The following SGCD variants were observed in gnomAD, a reference collection of about 807,000 sequenced individuals.
The protein encoded by SGCD is sarcoglycan delta.
In SGCD, 18 loss-of-function variants were observed where a neutral mutation model predicts 36.6. That is an observed-to-expected ratio of 0.49 (90% CI 0.34 to 0.73). The LOEUF (loss-of-function observed/expected upper bound fraction) is 0.73. Ranked by LOEUF, SGCD falls within the 30% of genes least tolerant of loss-of-function variation. The probability of loss-of-function intolerance (pLI) is 0.01; values close to 1 mark genes in which losing one functional copy is unlikely to be tolerated. For synonymous variants in SGCD, 133 were observed against 130.6 expected, an observed-to-expected ratio of 1.02 and a Z score of -0.12; for missense variants, 387 against 346.7, an observed-to-expected ratio of 1.12 and a Z score of -0.92.
rs148951635 is a variant in SGCD at position 155,956,632 on chromosome 5, G to T, written c.-282+86208G>T. ...GAAATCGAAAGTCAAGGCGTCAGCA[G>T]GGCCGTGCTCCCTTGGAAGGTTTTA... On this transcript the variant is annotated intron_variant, in intron 1 of 9. Transcript: ENST00000517913. Among the ~76,000 whole-genome samples, 281 of 152,212 alleles carry T rather than the reference G, an allele frequency of 1.8e-3. 1 individual carries two copies. Among genetic ancestry groups the T allele is most frequent in the African/African-American group, 6.4e-3 (267 of 41,556 alleles).
chr5:156,601,397 T>C (rs1285793120), intron 6 of SGCD, among the ~76,000 whole-genome samples: 1 of 152,202 alleles, frequency 6.6e-6, no homozygotes, highest in Non-Finnish European at 1.5e-5. Context: ...AGACTATTTT[T>C]CCCCAATATG....
intron 7 of SGCD, among the ~76,000 whole-genome samples, chr5:156,731,206 T>C (rs1298193992): frequency 6.6e-6 from 1 of 152,206 alleles, no homozygotes; most frequent in Non-Finnish European, 1.5e-5. Flanking sequence ...CTGTAGGTTG[T>C]CTATTTACTC....
At chr5:155,957,235 C>T (rs749865491) in intron 1 of SGCD, among the ~76,000 whole-genome samples, 5 of 151,964 alleles carry the variant, frequency 3.3e-5, no homozygotes, top group African/African-American at 7.2e-5. Flanking sequence ...GGTTGTAATG[C>T]GCTGCTCAGA....
At chr5:155,787,984 C>T in the SGCD span, among the ~76,000 whole-genome samples, 1 of 152,046 alleles carries the variant, frequency 6.6e-6, no homozygotes, top group Non-Finnish European at 1.5e-5. Flanking sequence ...TCTTTTAGAA[C>T]ATTTGGAAAA....
At chr5:156,443,240 C>A (rs1581000828) in intron 3 of SGCD, among the ~76,000 whole-genome samples, 1 of 152,158 alleles carries the variant, frequency 6.6e-6, no homozygotes, top group African/African-American at 2.4e-5. Context: ...CTGCCTTGGC[C>A]TCCCAAAGTG....
chr5:155,897,837 T>C (rs1756301253), intron 1 of SGCD, among the ~76,000 whole-genome samples: 1 of 152,232 alleles, frequency 6.6e-6, no homozygotes, highest in Non-Finnish European at 1.5e-5. Context: ...CAGTCCATTG[T>C]TGACCAACAT....
At chr5:156,129,222 C>T (rs1270317588) in intron 3 of SGCD, among the ~76,000 whole-genome samples, 1 of 152,146 alleles carries the variant, frequency 6.6e-6, no homozygotes, top group Non-Finnish European at 1.5e-5. Flanking sequence ...TAGGAACTGC[C>T]ATTAATTACA....
At chr5:156,239,172 G>T (rs1295344090) in intron 3 of SGCD, among the ~76,000 whole-genome samples, 1 of 152,086 alleles carries the variant, frequency 6.6e-6, no homozygotes, top group Non-Finnish European at 1.5e-5. Flanking sequence ...GGCCGAGGTG[G>T]ATGGATCACT....
chr5:155,925,670 C>T lies in SGCD; in HGVS notation c.-282+55246C>T, dbSNP rs77897203. Among the ~76,000 whole-genome samples the T allele has an allele frequency of 9.0e-3, 1,375 of 152,260 alleles. 27 individuals are homozygous for T. The highest frequency in any genetic ancestry group is 0.031 in the African/African-American group (1,271 of 41,540). ...TTGCTCTGCTGCCCAGGCTGTAGTG[C>T]AGTGGTATAATCACAGCTTACTGCA... On this transcript the variant is annotated intron_variant, in intron 1 of 9. Coordinates refer to the SGCD transcript ENST00000517913.
chr5:156,617,554 G>C (rs1422666186), intron 6 of SGCD, among the ~76,000 whole-genome samples: 1 of 152,172 alleles, frequency 6.6e-6, no homozygotes, highest in Non-Finnish European at 1.5e-5. Flanking sequence ...CTAGGTCTTG[G>C]AGTTTGACCT....
chr5:155,781,841 C>T, the SGCD span, among the ~76,000 whole-genome samples: 1 of 151,966 alleles, frequency 6.6e-6, no homozygotes, highest in Non-Finnish European at 1.5e-5. Context: ...AGGACATCAT[C>T]CTAGGAAAAG....
chr5:156,049,548 G>C lies in SGCD; in HGVS notation c.-281-68330G>C, dbSNP rs1431720330. ...CTTGAAGAGCACTAAACGTGGAAAGGAACAACCAGTACCAGCCACTGCAAA... is the reference window on the plus strand; with the variant it reads ...CTTGAAGAGCACTAAACGTGGAAAGCAACAACCAGTACCAGCCACTGCAAA... On this transcript the variant is annotated intron_variant, in intron 1 of 9. Transcript: ENST00000517913. 2.1e-5 allele frequency among the ~76,000 whole-genome samples: 3 copies of C among 145,852 alleles called. No individual in the cohort carries two copies. In the East Asian group the frequency reaches 5.8e-4, roughly 28 times the overall value.
intron 3 of SGCD, among the ~76,000 whole-genome samples, chr5:156,364,091 A>G (rs1448380437): frequency 6.6e-6 from 1 of 152,164 alleles, no homozygotes; most frequent in Non-Finnish European, 1.5e-5. Context: ...GAGTCATTGC[A>G]AATGAAAGAG....
At chr5:156,537,066 G>A (rs890532041) in intron 4 of SGCD, among the ~76,000 whole-genome samples, 9 of 152,106 alleles carry the variant, frequency 5.9e-5, no homozygotes, top group Non-Finnish European at 8.8e-5. Context: ...GGAGATTTCC[G>A]GTCCTGAAAC....
the SGCD span, among the ~76,000 whole-genome samples, chr5:155,845,005 C>T: frequency 6.6e-6 from 1 of 152,120 alleles, no homozygotes; most frequent in Non-Finnish European, 1.5e-5. Flanking sequence ...TCAGGTATTT[C>T]TCCTAATGCT....
At chr5:156,335,467 T>C (rs925057841) in intron 2 of SGCD, among the ~76,000 whole-genome samples, 1 of 152,206 alleles carries the variant, frequency 6.6e-6, no homozygotes, top group Non-Finnish European at 1.5e-5. Context: ...TCCTGGAGTC[T>C]TAAAGATTCA....
chr5:156,629,518 C>T (rs780957546), intron 6 of SGCD, among the ~76,000 whole-genome samples: 4 of 152,192 alleles, frequency 2.6e-5, no homozygotes, highest in African/African-American at 4.8e-5. Flanking sequence ...TTGATTGGCC[C>T]ATGCAGGCAA....
At chr5:156,584,554 A>G (rs1760414331) in intron 4 of SGCD, among the ~76,000 whole-genome samples, 1 of 152,162 alleles carries the variant, frequency 6.6e-6, no homozygotes, top group African/African-American at 2.4e-5. Flanking sequence ...TGAGTGCTAC[A>G]TGCCCAGCAC....
chr5:156,215,163 G>T (rs1248735280), intron 3 of SGCD, among the ~76,000 whole-genome samples: 1 of 151,896 alleles, frequency 6.6e-6, no homozygotes, highest in African/African-American at 2.4e-5. Flanking sequence ...ATTTCCAAAT[G>T]AAAAAAATGA....
Sources: allele counts gnomAD v4.1 joint callset (sites outside exome capture counted in the v4.1 genomes callset), GRCh38; gene constraint gnomAD v4.1.1; transcripts MANE v1.5; gene names NCBI Gene and HGNC (gene_info 2026-07-23, HGNC 2026-07-21).